The following AK9 variants were observed in gnomAD, a reference collection of about 807,000 sequenced individuals.
AK9 encodes adenylate kinase domain containing 1.
In AK9, 191 loss-of-function variants were observed where a neutral mutation model predicts 239.6. That is an observed-to-expected ratio of 0.80 (90% CI 0.71 to 0.90). The LOEUF (loss-of-function observed/expected upper bound fraction) is 0.90. AK9 is among the 40% of genes least tolerant of loss of function. The pLI, the probability that AK9 is intolerant of heterozygous loss-of-function variation, is 0.00. For missense variants in AK9, 1,995 were observed against 2,214.7 expected (o/e 0.90, Z 1.99); for synonymous variants, 689 against 721.0 (o/e 0.96, Z 0.71).
chr6:109,540,512 G>T (rs9374094), intron 27 of AK9, among the ~76,000 whole-genome samples: 95,204 of 152,016 alleles, frequency 0.63, 30,487 homozygotes, highest in South Asian at 0.84. Context: ...ACAGCTTCCC[G>T]TGGCTAGGAA....
rs1793437677 is a variant in AK9 at position 109,610,427 on chromosome 6, C to T, written c.1780G>A (p.Asp594Asn). 2 of 1,551,436 alleles carry T rather than the reference C, an allele frequency of 1.3e-6. No individual in the cohort carries two copies. The highest frequency in any genetic ancestry group is 2.0e-5 in the Admixed American group (1 of 50,970). ...MIEETIKMSQ[D>N]INFEQPYEKH... ...TCATATGGCTGTTCAAAGTTTATAT[C>T]CTGTGACATTTTTATAGTCTCTTCA... Residue 594 changes from aspartate to asparagine, a missense_variant, in exon 17 of 41, where the codon GAT (aspartate) becomes AAT (asparagine). Asp to Asn is a conservative substitution (Grantham distance 23, BLOSUM62 1). Around this residue, in one of 5 missense-constraint regions of AK9, gnomAD observed 1,290 missense variants for 1,392.7 expected, o/e 0.93. Coordinates refer to ENST00000424296, the MANE Select transcript of AK9 (RefSeq NM_001145128.3).
chr6:109,516,223 C>G, intron 30 of AK9, 148 bp from the exon 31 acceptor site: 1 of 904,706 alleles, frequency 1.1e-6, no homozygotes, highest in Non-Finnish European at 1.6e-6. Context: ...ATGTTGGTGA[C>G]TAAACTTACT....
At chr6:109,603,821 C>G (rs1422799828) in intron 17 of AK9, among the ~76,000 whole-genome samples, 1 of 152,216 alleles carries the variant, frequency 6.6e-6, no homozygotes, top group East Asian at 1.9e-4. Context: ...CGATCTCAGA[C>G]TGCTGTGCTA....
At chr6:109,568,850 C>G (rs1786966703) in intron 21 of AK9, among the ~76,000 whole-genome samples, 2 of 152,186 alleles carry the variant, frequency 1.3e-5, no homozygotes, top group Non-Finnish European at 2.9e-5. Context: ...AATGGCCATA[C>G]TGCCCAAAGT....
chr6:109,600,259 C>T lies in AK9; in HGVS notation c.1842+10106G>A, dbSNP rs539041301. ...TATTTTGAGATACGTCCCATCAATA[C>T]CTAATTTATTGAGAGTTTTTAGCAT... On this transcript the variant is annotated intron_variant, in intron 17 of 40. Coordinates refer to ENST00000424296, the MANE Select transcript of AK9 (RefSeq NM_001145128.3). 1.5e-4 allele frequency among the ~76,000 whole-genome samples: 23 copies of T among 152,228 alleles called. No individual in the cohort carries two copies. In the South Asian group the frequency reaches 4.6e-3, roughly 30 times the overall value.
At chr6:109,562,775 G>A (rs1316006229) in intron 24 of AK9, among the ~76,000 whole-genome samples, 1 of 151,962 alleles carries the variant, frequency 6.6e-6, no homozygotes, top group African/African-American at 2.4e-5. Flanking sequence ...TATTAATGAA[G>A]ACTATACTTT....
chr6:109,638,607 G>A (rs2128282510), intron 10 of AK9, among the ~76,000 whole-genome samples: 1 of 152,218 alleles, frequency 6.6e-6, no homozygotes, highest in East Asian at 1.9e-4. Flanking sequence ...AGCCTCTCAA[G>A]TAGCTGGGAC....
In AK9 at chr6:109,577,904, C is replaced by CTCTG. The variant is rs1554260370; in HGVS notation, c.2191+1645_2191+1646insCAGA. ...CTTCTTTCCTTCTCTCTCTCTTTCT[C>CTCTG]TCTTTCTTTCTTTCTTTCTTTTCTT... is the stretch of plus-strand genomic sequence containing the variant. On this transcript the variant is annotated intron_variant, in intron 20 of 40. Coordinates refer to ENST00000424296, the MANE Select transcript of AK9 (RefSeq NM_001145128.3). 4.4e-5 allele frequency among the ~76,000 whole-genome samples: 6 copies of CTCTG among 137,224 alleles called. No individual in the cohort carries two copies. The East Asian group carries it at 1.3e-3, about 29-fold the overall frequency. The allele number at this position is 137,224 out of a possible 152,430, so 90.0% of individuals were successfully genotyped here. A position where few individuals can be genotyped will look rare whatever the true frequency, so the allele number is the denominator to read the frequency against.
intron 5 of AK9, among the ~76,000 whole-genome samples, chr6:109,665,761 T>C (rs1341808120): frequency 6.6e-6 from 1 of 152,230 alleles, no homozygotes; most frequent in Admixed American, 6.5e-5. Flanking sequence ...TCCAGAGTCC[T>C]TGCCCTTGCC....
intron 9 of AK9, among the ~76,000 whole-genome samples, chr6:109,642,346 T>C (rs917652420): frequency 3.3e-5 from 5 of 152,096 alleles, no homozygotes; most frequent in African/African-American, 1.2e-4. Context: ...AGATGGGAGA[T>C]AGTGAGATAG....
At chr6:109,610,901 C>A (rs1417375102) in intron 16 of AK9, among the ~76,000 whole-genome samples, 1 of 152,088 alleles carries the variant, frequency 6.6e-6, no homozygotes, top group African/African-American at 2.4e-5. Context: ...CATGAGACTA[C>A]AAGGGACAGT....
chr6:109,621,771 T>C (rs997053459), intron 12 of AK9, among the ~76,000 whole-genome samples: 8 of 142,932 alleles, frequency 5.6e-5, no homozygotes, highest in Non-Finnish European at 1.1e-4. Context: ...AGGGATAGCA[T>C]TGGGAGATAT....
intron 27 of AK9, among the ~76,000 whole-genome samples, chr6:109,537,751 A>G (rs958880115): frequency 2.0e-5 from 3 of 151,920 alleles, no homozygotes; most frequent in African/African-American, 7.3e-5. Flanking sequence ...TAGTGCTATA[A>G]ATTTCCCTCT....
intron 29 of AK9, among the ~76,000 whole-genome samples, chr6:109,519,613 G>A (rs552719781): frequency 6.6e-6 from 1 of 152,146 alleles, no homozygotes; most frequent in Non-Finnish European, 1.5e-5. Context: ...TGGGCAAAAT[G>A]GTTAAACCCT....
chr6:109,658,686 T>G (rs1403160252), intron 7 of AK9, among the ~76,000 whole-genome samples: 1 of 152,288 alleles, frequency 6.6e-6, no homozygotes, highest in Middle Eastern at 3.4e-3. Context: ...AATATATTAT[T>G]CAAATGACTT....
At chr6:109,582,060 C>T (rs1788930081) in intron 19 of AK9, among the ~76,000 whole-genome samples, 2 of 152,164 alleles carry the variant, frequency 1.3e-5, no homozygotes, top group Non-Finnish European at 2.9e-5. Flanking sequence ...AGTATTTTAA[C>T]TGCTGTTGAG....
intron 25 of AK9, chr6:109,549,664 C>CTTTTCTTTT (rs1784067387): frequency 8.2e-6 from 1 of 122,098 alleles, no homozygotes; most frequent in Non-Finnish European, 1.7e-5. Context: ...TAGATATTTT[C>CTTTTCTTTT]TTTTTTTTTT....
rs1403078130 is a variant in AK9 at position 109,633,193 on chromosome 6, T to C, written c.1064A>G (p.Tyr355Cys). Residue 355 changes from tyrosine (Y) to cysteine (C), a missense_variant, in exon 11 of 41, where the codon TAT (tyrosine) becomes TGT (cysteine). Around this residue, in one of 5 missense-constraint regions of AK9, gnomAD observed 1,290 missense variants for 1,392.7 expected, o/e 0.93. Coordinates refer to ENST00000424296, the MANE Select transcript of AK9 (RefSeq NM_001145128.3). The part of the protein sequence containing the change: ...DGNIYSGLPD[Y>C]SVSFLGKIYC... ...TGAAAATCTTACTTACCTCACAGAA[T>C]AATCTGGTAATCCTGAATAAATGTT... 2.5e-6 allele frequency: 4 copies of C among 1,591,234 alleles called. No homozygotes were observed. Among genetic ancestry groups the C allele is most frequent in the Non-Finnish European group, 3.4e-6 (4 of 1,174,252 alleles).
At chr6:109,661,939 T>C (rs1474987882) in intron 6 of AK9, among the ~76,000 whole-genome samples, 2 of 152,216 alleles carry the variant, frequency 1.3e-5, no homozygotes, top group Non-Finnish European at 2.9e-5. Context: ...AAGAGAGAAT[T>C]AGGAACAAGA....
Sources: gnomAD v4.1 joint callset for allele counts (sites outside exome capture counted in the v4.1 genomes callset) on GRCh38, gnomAD v4.1.1 for gene constraint, gnomAD v4.1.1 regional missense constraint, MANE v1.5 for transcripts, NCBI Gene and HGNC (gene_info 2026-07-23, HGNC 2026-07-21) for gene names.